KCNIP4: variants seen among roughly 807,000 people sequenced by gnomAD.
The protein encoded by KCNIP4 is potassium voltage-gated channel interacting protein 4, also known as Kv channel-interacting protein 4.
KCNIP4 carries 12 observed loss-of-function variants against 34.0 expected under a neutral mutation model. That is an observed-to-expected ratio of 0.35 (90% confidence interval 0.23 to 0.57). KCNIP4 has a LOEUF of 0.57. Among genes scored for constraint, KCNIP4 ranks in the 20% least tolerant of loss-of-function variants. The pLI is 0.83. For synonymous variants in KCNIP4, 124 were observed against 102.2 expected (o/e 1.21, Z -1.29); for missense variants, 238 against 311.7 (o/e 0.76, Z 1.78).
At chr4:21,753,611 G>A (rs1717300204) in intron 1 of KCNIP4, among the ~76,000 whole-genome samples, 2 of 152,116 alleles carry the variant, frequency 1.3e-5, no homozygotes, top group African/African-American at 4.8e-5. Context: ...CAGCAGGACT[G>A]GCAGCTCATG....
At chr4:21,690,064 A>T (rs1411685195) in intron 1 of KCNIP4, among the ~76,000 whole-genome samples, 1 of 149,674 alleles carries the variant, frequency 6.7e-6, no homozygotes, top group African/African-American at 2.4e-5. Flanking sequence ...ATTTGTTGGT[A>T]AAACTAGTTT....
In KCNIP4 at chr4:20,950,824, G is replaced by C. The variant is rs1443813423; in HGVS notation, c.62-68115C>G. 1.3e-5 allele frequency among the ~76,000 whole-genome samples: 2 copies of C among 152,106 alleles called. 1 individual carries two copies. The highest frequency in any genetic ancestry group is 4.1e-4 in the South Asian group (2 of 4,828). ...GATGCTGAAATGGTCAAAAAGAAAA[G>C]TAACATTAAATGCAGGGTGCACTCT... On this transcript the variant is annotated intron_variant, in intron 1 of 8. Transcript: ENST00000382152.
chr4:20,889,434 T>C (rs968858371), intron 1 of KCNIP4, among the ~76,000 whole-genome samples: 2 of 152,160 alleles, frequency 1.3e-5, no homozygotes, highest in African/African-American at 2.4e-5. Context: ...ATTCTTGTTA[T>C]CAGAGTAGTT....
intron 1 of KCNIP4, among the ~76,000 whole-genome samples, chr4:21,282,415 C>T (rs1296977065): frequency 1.3e-5 from 2 of 151,414 alleles, no homozygotes; most frequent in African/African-American, 4.9e-5. Context: ...GAGAAATATA[C>T]AAGCATTTGT....
intron 1 of KCNIP4, among the ~76,000 whole-genome samples, chr4:20,895,630 AG>A (rs1411395132): frequency 2.0e-5 from 3 of 152,330 alleles, no homozygotes; most frequent in East Asian, 1.9e-4. Context: ...ATTCAATAAA[AG>A]TCTTTATTCA....
intron 1 of KCNIP4, among the ~76,000 whole-genome samples, chr4:21,739,898 A>C (rs1374722271): frequency 6.6e-6 from 1 of 152,110 alleles, no homozygotes; most frequent in Non-Finnish European, 1.5e-5. Flanking sequence ...TTCACAGGAA[A>C]AGCAAAATAT....
At chr4:21,137,405 G>T (rs995170215) in intron 1 of KCNIP4, among the ~76,000 whole-genome samples, 2 of 152,008 alleles carry the variant, frequency 1.3e-5, no homozygotes, top group South Asian at 4.1e-4. Context: ...GTAAATTCTT[G>T]TTCTCCCCCA....
At chr4:20,871,972 A>G (rs1723519598) in intron 2 of KCNIP4, among the ~76,000 whole-genome samples, 1 of 152,164 alleles carries the variant, frequency 6.6e-6, no homozygotes, top group South Asian at 2.1e-4. Flanking sequence ...TTTACTGTCC[A>G]GACTCTGCTC....
At chr4:21,524,200 C>G (rs1344713484) in intron 1 of KCNIP4, among the ~76,000 whole-genome samples, 1 of 148,068 alleles carries the variant, frequency 6.8e-6, no homozygotes, top group Non-Finnish European at 1.5e-5. Context: ...ACTGTGGTAG[C>G]CTTTCTTTGC....
intron 1 of KCNIP4, among the ~76,000 whole-genome samples, chr4:21,584,437 C>A (rs896097096): frequency 6.6e-6 from 1 of 151,934 alleles, no homozygotes; most frequent in South Asian, 2.1e-4. Context: ...AATCATTCTT[C>A]GAAAACTTAA....
At chr4:20,997,375 AAGGCTGAGGCTTCACATGTCCTCAG>A (rs1737652658) in intron 1 of KCNIP4, among the ~76,000 whole-genome samples, 1 of 152,152 alleles carries the variant, frequency 6.6e-6, no homozygotes, top group Non-Finnish European at 1.5e-5. Context: ...AGCGTATGTG[AAGGCTGAGGCTTCACATGTCCTCAG>A]AGGCTGAGGA....
At chr4:21,927,243 ATAAT>A (rs1432180833) in intron 1 of KCNIP4, among the ~76,000 whole-genome samples, 1 of 152,170 alleles carries the variant, frequency 6.6e-6, no homozygotes, top group Non-Finnish European at 1.5e-5. Flanking sequence ...ATCACCCTGG[ATAAT>A]TGTCCCATAT....
intron 2 of KCNIP4, among the ~76,000 whole-genome samples, chr4:20,876,665 G>A (rs1171473811): frequency 6.6e-6 from 1 of 151,958 alleles, no homozygotes; most frequent in Non-Finnish European, 1.5e-5. Context: ...ACCTCCTGGA[G>A]TGGAGTTCAA....
At chr4:21,733,875 C>T (rs1715793883) in intron 1 of KCNIP4, among the ~76,000 whole-genome samples, 2 of 152,164 alleles carry the variant, frequency 1.3e-5, no homozygotes, top group African/African-American at 4.8e-5. Flanking sequence ...CCCATCAATG[C>T]ATATGACATC....
intron 1 of KCNIP4, among the ~76,000 whole-genome samples, chr4:21,911,357 A>G (rs1024291675): frequency 6.6e-6 from 1 of 152,082 alleles, no homozygotes; most frequent in Non-Finnish European, 1.5e-5. Flanking sequence ...GGATTTACAA[A>G]GAAAAAGAAA....
chr4:21,524,175 A>G (rs1306500820), intron 1 of KCNIP4, among the ~76,000 whole-genome samples: 4 of 151,356 alleles, frequency 2.6e-5, no homozygotes. Context: ...GCTCACTCCT[A>G]TTTTCACCTG....
chr4:21,425,951 G>A (rs1725896879), intron 1 of KCNIP4, among the ~76,000 whole-genome samples: 1 of 152,148 alleles, frequency 6.6e-6, no homozygotes, highest in Non-Finnish European at 1.5e-5. Flanking sequence ...GTACTCGAGA[G>A]GCTGAGGTGG....
chr4:21,113,789 A>C (rs2109112255), intron 1 of KCNIP4, among the ~76,000 whole-genome samples: 1 of 152,374 alleles, frequency 6.6e-6, no homozygotes, highest in African/African-American at 2.4e-5. Context: ...AAGAAGAAAC[A>C]AACCATAAAA....
At chr4:21,282,243 CATTTA>C (rs1262127948) in intron 1 of KCNIP4, among the ~76,000 whole-genome samples, 3 of 152,166 alleles carry the variant, frequency 2.0e-5, no homozygotes, top group Non-Finnish European at 4.4e-5. Context: ...TACGTTAATT[CATTTA>C]ACTTACACTT....
Sources: gnomAD v4.1 joint callset for allele counts (sites outside exome capture counted in the v4.1 genomes callset) on GRCh38, gnomAD v4.1.1 for gene constraint, MANE v1.5 for transcripts, NCBI Gene and HGNC (gene_info 2026-07-23, HGNC 2026-07-21) for gene names.